Variants in ATXN2 observed in about 807,000 individuals in gnomAD.
ATXN2 encodes the protein ataxin 2, also known as ataxin-2.
Under a neutral mutation model 138.6 loss-of-function variants are expected in ATXN2, and 37 were observed. The observed-to-expected ratio is 0.27, with a 90% CI of 0.21 to 0.35. The LOEUF is 0.35. Among genes scored for constraint, ATXN2 ranks in the 10% least tolerant of loss-of-function variants. The probability of loss-of-function intolerance (pLI) is 1.00; values close to 1 mark genes in which losing one functional copy is unlikely to be tolerated. For missense variants in ATXN2, 1,216 were observed against 1,480.3 expected (o/e 0.82, Z 2.93); for synonymous variants, 549 against 543.7 (o/e 1.01, Z -0.13).
rs182738837 is a variant in ATXN2 at position 111,518,972 on chromosome 12, T to G, written c.987-545A>C. ...AGGTAGCAGGTATTTCTCAACACGT[T>G]TATGAATAAATGAAAGACCCACAAG... On this transcript the variant is annotated intron_variant, in intron 8 of 24. Coordinates refer to ENST00000673436, the MANE Select transcript of ATXN2 (RefSeq NM_001372574.1). Among the ~76,000 whole-genome samples the G allele has an allele frequency of 9.9e-5, 15 of 152,168 alleles. No homozygotes were observed. In the East Asian group the frequency reaches 2.9e-3, roughly 29 times the overall value.
At chr12:111,487,518 T>C (rs541367642) in intron 15 of ATXN2, among the ~76,000 whole-genome samples, 106 of 152,190 alleles carry the variant, frequency 7.0e-4, no homozygotes, top group Non-Finnish European at 1.4e-3. Context: ...TGGAGTGCAG[T>C]GGCATGATCT....
chr12:111,559,698 G>C (rs848129), intron 1 of ATXN2, among the ~76,000 whole-genome samples: 30,372 of 150,190 alleles, frequency 0.2, 3,191 homozygotes, highest in East Asian at 0.33. Flanking sequence ...ACTTGAACCC[G>C]GGAAGTGGAG....
At chr12:111,476,585 T>C (rs1396333093) in intron 18 of ATXN2, among the ~76,000 whole-genome samples, 1 of 152,034 alleles carries the variant, frequency 6.6e-6, no homozygotes, top group Admixed American at 6.6e-5. Flanking sequence ...TATTCAAAAA[T>C]CAAGTGCATC....
chr12:111,592,782 C>CAAAAAAA lies in ATXN2; in HGVS notation c.251+5995_251+6001dup, dbSNP rs71083183. Among the ~76,000 whole-genome samples the CAAAAAAA allele has an allele frequency of 3.7e-3, 95 of 25,984 alleles. 10 individuals are homozygous for CAAAAAAA. Among genetic ancestry groups the CAAAAAAA allele is most frequent in the South Asian group, 0.026 (13 of 494 alleles). 17.0% of individuals were successfully genotyped at this position (25,984 alleles called of 152,430 possible). ...TGGGCGACAGAGCAAGACTCCGTCT[C>CAAAAAAA]AAAAAAAAAAAAAAAAAAAAAAGAT... On this transcript the variant is annotated intron_variant, in intron 1 of 24. Coordinates refer to ENST00000673436, the MANE Select transcript of ATXN2 (RefSeq NM_001372574.1).
chr12:111,470,989 A>G, intron 18 of ATXN2: 2 of 485,670 alleles, frequency 4.1e-6, no homozygotes, highest in African/African-American at 1.9e-5. Flanking sequence ...TCAGCTTGAA[A>G]GCAACTTCCT....
intron 1 of ATXN2, among the ~76,000 whole-genome samples, chr12:111,561,838 G>A (rs2135798879): frequency 6.6e-6 from 1 of 151,910 alleles, no homozygotes; most frequent in South Asian, 2.1e-4. Flanking sequence ...TTGAGACAGA[G>A]TCTACCTCTG....
At chr12:111,480,693 G>C (rs11065922) in intron 18 of ATXN2, among the ~76,000 whole-genome samples, 15,580 of 152,032 alleles carry the variant, frequency 0.1, 2,671 homozygotes, top group African/African-American at 0.35. Context: ...CAATTTAAGA[G>C]GAAAGAATAG....
intron 5 of ATXN2, among the ~76,000 whole-genome samples, chr12:111,540,298 T>A (rs1306230201): frequency 6.6e-6 from 1 of 150,614 alleles, no homozygotes. Flanking sequence ...TACACAACCC[T>A]ATCAGTAAAC....
intron 1 of ATXN2, among the ~76,000 whole-genome samples, chr12:111,580,069 T>A (rs142425269): frequency 8.7e-4 from 132 of 151,980 alleles, no homozygotes; most frequent in African/African-American, 3.1e-3. Flanking sequence ...CCACCTCAGC[T>A]CCCCAAGTAG....
intron 21 of ATXN2, among the ~76,000 whole-genome samples, chr12:111,460,185 G>T (rs1213515641): frequency 6.6e-6 from 1 of 152,094 alleles, no homozygotes; most frequent in African/African-American, 2.4e-5. Context: ...GGGTTCAAGC[G>T]ATTCTCCTGT....
At chr12:111,491,587 T>C (rs1000840637) in intron 14 of ATXN2, among the ~76,000 whole-genome samples, 1 of 152,210 alleles carries the variant, frequency 6.6e-6, no homozygotes, top group Non-Finnish European at 1.5e-5. Context: ...CCAAGCATAG[T>C]TCTGAAGCCT....
chr12:111,455,063 A>T (rs1372353707), intron 23 of ATXN2: 1 of 703,014 alleles, frequency 1.4e-6, no homozygotes, highest in Non-Finnish European at 2.6e-6. Flanking sequence ...CTTCTGAGAG[A>T]TAGATCCAAC....
At chr12:111,502,065 TA>T (rs1368894631) in intron 14 of ATXN2, among the ~76,000 whole-genome samples, 1 of 152,046 alleles carries the variant, frequency 6.6e-6, no homozygotes, top group Non-Finnish European at 1.5e-5. Context: ...CTAATGTGTG[TA>T]TTTTTTTGTA....
chr12:111,576,127 TAA>T (rs756800364), intron 1 of ATXN2, among the ~76,000 whole-genome samples: 4,976 of 139,860 alleles, frequency 0.036, 136 homozygotes, highest in South Asian at 0.077. Flanking sequence ...TAACATAACA[TAA>T]CATAACATCA....
chr12:111,543,845 G>C (rs888581880), intron 5 of ATXN2, among the ~76,000 whole-genome samples: 1 of 152,152 alleles, frequency 6.6e-6, no homozygotes, highest in African/African-American at 2.4e-5. Flanking sequence ...TGAAGGCCAA[G>C]GTAGAGGATT....
intron 5 of ATXN2, among the ~76,000 whole-genome samples, chr12:111,529,710 T>C (rs1880706904): frequency 6.6e-6 from 1 of 152,198 alleles, no homozygotes; most frequent in Non-Finnish European, 1.5e-5. Context: ...GAGTACATAT[T>C]CAGCTTCTCA....
At chr12:111,475,029 C>T (rs890328322) in intron 18 of ATXN2, among the ~76,000 whole-genome samples, 5 of 152,086 alleles carry the variant, frequency 3.3e-5, no homozygotes, top group South Asian at 2.1e-4. Context: ...CTGGCTAACA[C>T]GGTGAAACCC....
intron 5 of ATXN2, among the ~76,000 whole-genome samples, chr12:111,530,599 G>A (rs1336073868): frequency 2.0e-5 from 3 of 152,220 alleles, no homozygotes; most frequent in Non-Finnish European, 4.4e-5. Context: ...CAGATCACGA[G>A]GTCAGGAGAT....
At chr12:111,551,539 T>G (rs565770991) in intron 5 of ATXN2, among the ~76,000 whole-genome samples, 1 of 152,314 alleles carries the variant, frequency 6.6e-6, no homozygotes, top group Non-Finnish European at 1.5e-5. Flanking sequence ...TTCTTCACCC[T>G]TTTTCATTTT....
Sources: allele counts gnomAD v4.1 joint callset (sites outside exome capture counted in the v4.1 genomes callset), GRCh38; gene constraint gnomAD v4.1.1; transcripts MANE v1.5; gene names NCBI Gene and HGNC (gene_info 2026-07-23, HGNC 2026-07-21).